ADAMTS6: variants seen among roughly 807,000 people sequenced by gnomAD.
The protein encoded by ADAMTS6 is A disintegrin and metalloproteinase with thrombospondin motifs 6.
ADAMTS6 carries 23 observed loss-of-function variants against 144.3 expected under a neutral mutation model. The observed-to-expected ratio is 0.16, with a 90% CI of 0.11 to 0.23. The LOEUF is 0.23. ADAMTS6 is among the 10% of genes least tolerant of loss of function. The pLI is 1.00. For missense variants in ADAMTS6, 999 were observed against 1,379.6 expected, an observed-to-expected ratio of 0.72 and a Z score of 4.37; for synonymous variants, 444 against 457.5, an observed-to-expected ratio of 0.97 and a Z score of 0.38.
chr5:65,283,505 A>T (rs1390780344), intron 11 of ADAMTS6, among the ~76,000 whole-genome samples: 1 of 152,132 alleles, frequency 6.6e-6, no homozygotes, highest in East Asian at 1.9e-4. Flanking sequence ...TGCAGGGTAA[A>T]AACTAGTAAT....
chr5:65,222,012 T>G (rs908394956), intron 18 of ADAMTS6, among the ~76,000 whole-genome samples: 1 of 152,194 alleles, frequency 6.6e-6, no homozygotes. Context: ...AATCTTTTCA[T>G]GTATTAGAAA....
chr5:65,278,845 C>T (rs1011490601), intron 11 of ADAMTS6, among the ~76,000 whole-genome samples: 2 of 151,822 alleles, frequency 1.3e-5, no homozygotes, highest in Non-Finnish European at 2.9e-5. Flanking sequence ...TTTATCTTAC[C>T]TTAGCATTTG....
At chr5:65,480,548 C>G (rs1761132694) in intron 1 of ADAMTS6, among the ~76,000 whole-genome samples, 1 of 152,176 alleles carries the variant, frequency 6.6e-6, no homozygotes, top group African/African-American at 2.4e-5. Context: ...TCTCAGTGCG[C>G]TTTCTCAATC....
chr5:65,248,142 A>T (rs1378481728), intron 14 of ADAMTS6, among the ~76,000 whole-genome samples: 3 of 152,014 alleles, frequency 2.0e-5, no homozygotes, highest in Non-Finnish European at 4.4e-5. Flanking sequence ...AAATTTCCTG[A>T]CTCCCTAGTT....
At chr5:65,205,372 C>G (rs918411677) in intron 20 of ADAMTS6, among the ~76,000 whole-genome samples, 2 of 152,128 alleles carry the variant, frequency 1.3e-5, no homozygotes, top group Non-Finnish European at 2.9e-5. Flanking sequence ...TTAGAATTGA[C>G]AAAAAATTAA....
At position 65,452,804 on chromosome 5, in the gene ADAMTS6, T is replaced by A; in HGVS notation, c.746A>T (p.Glu249Val). The A allele has an allele frequency of 6.2e-7, 1 of 1,614,132 alleles. No homozygotes were observed. Among genetic ancestry groups the A allele is most frequent in the Non-Finnish European group, 8.5e-7 (1 of 1,179,982 alleles). The change falls in exon 5 of 25, where the codon GAA (glutamate) becomes GTA (valine). Residue 249 changes from glutamate to valine, a missense_variant. This residue lies in a region of ADAMTS6 where 252 missense variants were observed against 293.7 expected (regional missense o/e 0.86). Coordinates refer to ENST00000381055, the MANE Select transcript of ADAMTS6 (RefSeq NM_197941.4). Reference protein sequence around the residue: ...HHRQKRSVSIERFVETLVVAD... With the variant: ...HHRQKRSVSIVRFVETLVVAD... ...CACTACCAATGTCTCCACAAACCGTTCAATGCTCACTGATCTCTTCTGTCT... is the reference window on the plus strand; with the variant it reads ...CACTACCAATGTCTCCACAAACCGTACAATGCTCACTGATCTCTTCTGTCT...
chr5:65,339,032 G>A lies in ADAMTS6; in HGVS notation c.1074-4947C>T, dbSNP rs1368358275. The stretch of plus-strand genomic sequence containing the variant: ...GCCACTCTTGGCAGGCACACCCCCA[G>A]GCTGTCTAAGTAACTGCATGCCTGT... On this transcript the variant is annotated intron_variant, in intron 7 of 24. Coordinates refer to ENST00000381055, the MANE Select transcript of ADAMTS6 (RefSeq NM_197941.4). Among the ~76,000 whole-genome samples the A allele has an allele frequency of 2.0e-5, 3 of 152,114 alleles. No individual in the cohort carries two copies. The East Asian group carries it at 5.8e-4, about 29-fold the overall frequency.
At chr5:65,217,632 G>C (rs1188793949) in intron 18 of ADAMTS6, among the ~76,000 whole-genome samples, 2 of 152,070 alleles carry the variant, frequency 1.3e-5, no homozygotes, top group East Asian at 3.9e-4. Context: ...AAAAATAAAG[G>C]AGTCTTCTTA....
chr5:65,383,131 A>G (rs1752181994), intron 7 of ADAMTS6, among the ~76,000 whole-genome samples: 1 of 152,204 alleles, frequency 6.6e-6, no homozygotes, highest in African/African-American at 2.4e-5. Flanking sequence ...AGGTTTTAAC[A>G]TACAAATTTT....
At chr5:65,475,966 C>G (rs905875245) in intron 1 of ADAMTS6, among the ~76,000 whole-genome samples, 2 of 152,174 alleles carry the variant, frequency 1.3e-5, no homozygotes, top group Non-Finnish European at 2.9e-5. Context: ...CCCTTGCTCC[C>G]CTCCTCTTAA....
chr5:65,479,578 CA>C (rs1397013889), intron 1 of ADAMTS6, among the ~76,000 whole-genome samples: 1 of 152,132 alleles, frequency 6.6e-6, no homozygotes, highest in African/African-American at 2.4e-5. Flanking sequence ...TTTTTCTCCC[CA>C]CTACCCCCAA....
At chr5:65,271,067 T>A (rs999506626) in intron 12 of ADAMTS6, among the ~76,000 whole-genome samples, 1 of 152,248 alleles carries the variant, frequency 6.6e-6, no homozygotes, top group Non-Finnish European at 1.5e-5. Context: ...CTTTCTCTTG[T>A]CTGTGATCAT....
rs1366327610 is a variant in ADAMTS6, at chr5:65,188,087, G to A, written c.2839C>T (p.Arg947Trp). The stretch of plus-strand genomic sequence containing the variant: ...TTGCAGGGCTCTTTTTCGACAGGCC[G>A]GTGTGTTAAACAACCACTGTAGTCC... ...TLDYSGCLTH[R>W]PVEKEPCNNQ... Residue 947 changes from arginine to tryptophan, a missense_variant, in exon 22 of 25, where the codon CGG becomes TGG. Transcript: ENST00000381055. 14 of 1,613,970 alleles carry A rather than the reference G, an allele frequency of 8.7e-6. No individual in the cohort carries two copies. The highest frequency in any genetic ancestry group is 4.0e-5 in the African/African-American group (3 of 74,892).
rs1264797284 is a variant in ADAMTS6 at position 65,284,185 on chromosome 5, A to T, written c.1512+7144T>A. ...GTGGTGATAAAATAATAAAATAAACAAAAGGGAATAAGCATGAGTCTGAGA... is the reference window on the plus strand; with the variant it reads ...GTGGTGATAAAATAATAAAATAAACTAAAGGGAATAAGCATGAGTCTGAGA... On this transcript the variant is annotated intron_variant, in intron 11 of 24. Transcript: ENST00000381055. 2.6e-5 allele frequency among the ~76,000 whole-genome samples: 4 copies of T among 152,074 alleles called. No homozygotes were observed. The East Asian group carries it at 7.7e-4, about 29-fold the overall frequency.
At chr5:65,306,226 CA>C (rs1743929433) in intron 9 of ADAMTS6, among the ~76,000 whole-genome samples, 1 of 152,184 alleles carries the variant, frequency 6.6e-6, no homozygotes, top group African/African-American at 2.4e-5. Flanking sequence ...AGCATTCATG[CA>C]GCAGTAATGA....
intron 4 of ADAMTS6, among the ~76,000 whole-genome samples, chr5:65,457,043 G>T (rs1349185816): frequency 6.6e-6 from 1 of 152,156 alleles, no homozygotes; most frequent in African/African-American, 2.4e-5. Flanking sequence ...CTATGCTGTT[G>T]AAACAGTATC....
intron 18 of ADAMTS6, 149 bp from the exon 19 acceptor site, chr5:65,215,636 G>T: frequency 4.6e-6 from 3 of 654,948 alleles, no homozygotes; most frequent in East Asian, 3.0e-5. Context: ...AAATTAAAAT[G>T]GTATTTTTCA....
intron 22 of ADAMTS6, among the ~76,000 whole-genome samples, chr5:65,183,699 A>G (rs1482744311): frequency 6.6e-6 from 1 of 152,134 alleles, no homozygotes; most frequent in Non-Finnish European, 1.5e-5. Flanking sequence ...AGCCACGGTT[A>G]CGTATGTATA....
In ADAMTS6 at chr5:65,229,727, T is replaced by TA. The variant is rs533248149; in HGVS notation, c.1934-3509dup. Among the ~76,000 whole-genome samples, 26 of 152,224 alleles carry TA rather than the reference T, an allele frequency of 1.7e-4. No individual in the cohort carries two copies. The South Asian group carries it at 5.4e-3, about 32-fold the overall frequency. On this transcript the variant is annotated intron_variant, in intron 15 of 24. Transcript: ENST00000381055. ...TTTATGAACTTGAAGAGGGGTCATTTAAAAATCTCCAGTCAGGCAAAAAAG... is the reference window on the plus strand; with the variant it reads ...TTTATGAACTTGAAGAGGGGTCATTTAAAAAATCTCCAGTCAGGCAAAAAAG...
Sources: allele counts gnomAD v4.1 joint callset (sites outside exome capture counted in the v4.1 genomes callset), GRCh38; gene constraint gnomAD v4.1.1; regional missense constraint gnomAD v4.1.1; transcripts MANE v1.5; gene names NCBI Gene and HGNC (gene_info 2026-07-23, HGNC 2026-07-21).